The following LAMC3 variants were observed in gnomAD, a reference collection of about 807,000 sequenced individuals.
The protein encoded by LAMC3 is laminin subunit gamma-3.
In LAMC3, 128 loss-of-function variants were observed where a neutral mutation model predicts 173.8. That is an observed-to-expected ratio of 0.74 (90% confidence interval 0.64 to 0.85). The LOEUF is 0.85. Ranked by LOEUF, LAMC3 falls within the 40% of genes least tolerant of loss-of-function variation. LAMC3 has a pLI of 0.00. For synonymous variants in LAMC3, 897 were observed against 909.1 expected, an observed-to-expected ratio of 0.99 and a Z score of 0.24; for missense variants, 2,022 against 2,156.0, an observed-to-expected ratio of 0.94 and a Z score of 1.23.
In LAMC3 at chr9:131,092,379, C is replaced by CT. The variant is rs1380425005; in HGVS notation, c.*593dup. ...TGACCTGTGTTGCTGCGTGCACTCC[C>CT]TACAGCTCGACACAGCCAGGGGACC... On this transcript the variant is annotated 3_prime_UTR_variant, in exon 28 of 28. Transcript: ENST00000361069. 1.3e-5 allele frequency: 2 copies of CT among 156,994 alleles called. No individual in the cohort carries two copies. The highest frequency in any genetic ancestry group is 6.1e-5 in the Admixed American group (1 of 16,508). 9.7% of individuals were successfully genotyped at this position (156,994 alleles called of 1,614,324 possible).
At chr9:131,064,967 G>A (rs1255926751) in intron 13 of LAMC3, among the ~76,000 whole-genome samples, 1 of 148,434 alleles carries the variant, frequency 6.7e-6, no homozygotes, top group Non-Finnish European at 1.5e-5. Flanking sequence ...CTTGAACCCA[G>A]TAGGTGGGGC....
chr9:131,033,402 C>T (rs1408918413), intron 3 of LAMC3, among the ~76,000 whole-genome samples: 1 of 152,090 alleles, frequency 6.6e-6, no homozygotes, highest in East Asian at 1.9e-4. Context: ...AAAGGGAGAG[C>T]GTGTGCCTGG....
At chr9:131,086,575 C>CTTTTTTTT (rs778812487) in intron 25 of LAMC3, among the ~76,000 whole-genome samples, 7 of 92,478 alleles carry the variant, frequency 7.6e-5, no homozygotes, top group South Asian at 3.9e-4. Context: ...GCCTGGCTAA[C>CTTTTTTTT]TTTTTTTTTT....
At chr9:131,048,268 G>A (rs1017274520) in intron 8 of LAMC3, among the ~76,000 whole-genome samples, 5 of 152,116 alleles carry the variant, frequency 3.3e-5, no homozygotes, top group African/African-American at 9.6e-5. Context: ...TGTTGGCCAG[G>A]CTGGTCTCGA....
At chr9:131,078,623 G>C (rs1404545618) in intron 22 of LAMC3, among the ~76,000 whole-genome samples, 1 of 152,246 alleles carries the variant, frequency 6.6e-6, no homozygotes, top group Non-Finnish European at 1.5e-5. Flanking sequence ...ATGCACAGCT[G>C]TTAGTGTGTT....
chr9:131,076,662 A>G (rs1424971419), intron 21 of LAMC3, among the ~76,000 whole-genome samples: 1 of 152,152 alleles, frequency 6.6e-6, no homozygotes, highest in Admixed American at 6.5e-5. Context: ...GGATGTGGAC[A>G]GCTGGTCAGG....
At chr9:131,046,416 C>G (rs919517764) in intron 8 of LAMC3, among the ~76,000 whole-genome samples, 2 of 150,944 alleles carry the variant, frequency 1.3e-5, no homozygotes, top group Admixed American at 1.3e-4. Flanking sequence ...GTCTTTAGAC[C>G]CAGGCTGGTC....
chr9:131,074,599 G>A (rs546836880), intron 20 of LAMC3, among the ~76,000 whole-genome samples: 10 of 151,794 alleles, frequency 6.6e-5, no homozygotes, highest in African/African-American at 2.4e-4. Flanking sequence ...GGGAGGCTGA[G>A]GCAGGAGAAT....
At chr9:131,079,654 A>G (rs1004055824) in intron 23 of LAMC3, among the ~76,000 whole-genome samples, 6 of 152,130 alleles carry the variant, frequency 3.9e-5, no homozygotes, top group African/African-American at 1.4e-4. Context: ...AGATCGCGCC[A>G]CTGCACTCCA....
In LAMC3 at chr9:131,089,667, C is replaced by T. The variant is rs190664383; in HGVS notation, c.4477+1850C>T. Among the ~76,000 whole-genome samples the T allele has an allele frequency of 1.5e-4, 23 of 151,988 alleles. No individual in the cohort carries two copies. The East Asian group carries it at 4.4e-3, about 29-fold the overall frequency. On this transcript the variant is annotated intron_variant, in intron 27 of 27. Transcript: ENST00000361069. ...CCTCCCAAAGTGCTGGGATCACAAG[C>T]GTGAGCCACCATGCCCGGCCTTATT...
intron 2 of LAMC3, among the ~76,000 whole-genome samples, chr9:131,031,433 A>G (rs1435051428): frequency 6.6e-6 from 1 of 152,208 alleles, no homozygotes; most frequent in African/African-American, 2.4e-5. Context: ...AAGGGGCCAC[A>G]AGTCCCTGCT....
chr9:131,091,421 G>A, intron 27 of LAMC3, 116 bp from the exon 28 acceptor site: 1 of 1,363,626 alleles, frequency 7.3e-7, no homozygotes, highest in Non-Finnish European at 1.0e-6. Flanking sequence ...CCTGGTGGAT[G>A]GTGGGCCATT....
chr9:131,039,188 C>T lies in LAMC3; in HGVS notation c.1223C>T (p.Thr408Ile). ...TGTCACKPTVTGWKCDRCLPG... is the reference protein window; with the variant it reads ...TGTCACKPTVIGWKCDRCLPG... The stretch of plus-strand genomic sequence containing the variant: ...ACCTGCGCCTGCAAGCCCACGGTGA[C>T]TGGCTGGAAGTGTGACCGCTGTCTG... Residue 408 changes from threonine to isoleucine, a missense_variant, in exon 6 of 28, where the codon ACT becomes ATT. Transcript: ENST00000361069. 2 of 1,610,056 alleles carry T rather than the reference C, an allele frequency of 1.2e-6. No homozygotes were observed. The highest frequency in any genetic ancestry group is 1.7e-6 in the Non-Finnish European group (2 of 1,180,012).
At chr9:131,022,041 G>A (rs896262362) in intron 1 of LAMC3, among the ~76,000 whole-genome samples, 7 of 152,250 alleles carry the variant, frequency 4.6e-5, no homozygotes, top group African/African-American at 1.7e-4. Context: ...GGCGTAGGGT[G>A]GGACCCTCTC....
In LAMC3 at chr9:131,057,272, C is replaced by T. The variant is rs1162474674; in HGVS notation, c.2158+125C>T. The T allele has an allele frequency of 4.4e-5, 35 of 802,162 alleles. No individual in the cohort carries two copies. In the East Asian group the frequency reaches 6.3e-4, roughly 14 times the overall value. The allele number at this position is 802,162 out of a possible 1,614,324, so 49.7% of individuals were successfully genotyped here. The stretch of plus-strand genomic sequence containing the variant: ...GTGTTGGCCAAGCTGTGGGGCAGTG[C>T]GGGCACTGAGCTTTCCCGTGCTGCT... On this transcript the variant is annotated intron_variant, in intron 12 of 27. Transcript: ENST00000361069.
chr9:131,031,713 C>T (rs2133234871), intron 2 of LAMC3, among the ~76,000 whole-genome samples: 1 of 152,328 alleles, frequency 6.6e-6, no homozygotes, highest in African/African-American at 2.4e-5. Flanking sequence ...GACCACGGGC[C>T]CGACCTCACA....
intron 8 of LAMC3, among the ~76,000 whole-genome samples, chr9:131,046,722 A>G (rs1834170149): frequency 6.6e-6 from 1 of 151,562 alleles, no homozygotes; most frequent in Admixed American, 6.6e-5. Flanking sequence ...GCACAGCCGC[A>G]TATTTAAAGA....
At chr9:131,085,095 C>T (rs1432321714) in intron 24 of LAMC3, among the ~76,000 whole-genome samples, 1 of 152,162 alleles carries the variant, frequency 6.6e-6, no homozygotes, top group Non-Finnish European at 1.5e-5. Context: ...CCTCCAGTTA[C>T]ATCAGACTCT....
At chr9:131,031,340 G>A (rs1833819440) in intron 2 of LAMC3, among the ~76,000 whole-genome samples, 1 of 152,228 alleles carries the variant, frequency 6.6e-6, no homozygotes, top group South Asian at 2.1e-4. Context: ...CCATGGGGAA[G>A]CTGCTCATTC....
Sources: allele counts gnomAD v4.1 joint callset (sites outside exome capture counted in the v4.1 genomes callset), GRCh38; gene constraint gnomAD v4.1.1; transcripts MANE v1.5; gene names NCBI Gene and HGNC (gene_info 2026-07-23, HGNC 2026-07-21).